Variants in NNT observed in about 807,000 individuals in gnomAD.
NNT encodes nicotinamide nucleotide transhydrogenase.
NNT carries 50 observed loss-of-function variants against 104.8 expected under a neutral mutation model. The ratio of observed to expected loss-of-function variants is 0.48; its 90% CI spans 0.38 to 0.60. The LOEUF (loss-of-function observed/expected upper bound fraction) is 0.60. NNT is among the 20% of genes least tolerant of loss of function. The pLI is 0.00. For missense variants in NNT, 1,131 were observed against 1,330.7 expected (o/e 0.85, Z 2.33); for synonymous variants, 461 against 490.4 (o/e 0.94, Z 0.79).
intron 14 of NNT, among the ~76,000 whole-genome samples, chr5:43,654,262 G>A (rs148141565): frequency 6.6e-6 from 1 of 152,232 alleles, no homozygotes; most frequent in East Asian, 1.9e-4. Flanking sequence ...ATTGCAGTGT[G>A]GAAATAAGCA....
At chr5:43,640,087 T>C (rs1751144992) in intron 7 of NNT, among the ~76,000 whole-genome samples, 1 of 152,150 alleles carries the variant, frequency 6.6e-6, no homozygotes, top group Non-Finnish European at 1.5e-5. Context: ...TTTGCAATTA[T>C]GTCTAAAAAT....
intron 10 of NNT, among the ~76,000 whole-genome samples, chr5:43,646,763 T>C (rs1739470306): frequency 6.6e-6 from 1 of 152,184 alleles, no homozygotes; most frequent in Admixed American, 6.5e-5. Flanking sequence ...TACTACAATA[T>C]AGGCTATAGC....
intron 5 of NNT, among the ~76,000 whole-genome samples, chr5:43,621,971 C>A (rs1305569695): frequency 6.6e-6 from 1 of 152,136 alleles, no homozygotes; most frequent in Non-Finnish European, 1.5e-5. Flanking sequence ...AAGGTCTAGG[C>A]TGGATCATGT....
intron 19 of NNT, among the ~76,000 whole-genome samples, chr5:43,690,652 C>T (rs1169716924): frequency 6.6e-6 from 1 of 152,194 alleles, no homozygotes; most frequent in Non-Finnish European, 1.5e-5. Context: ...CTTGCTCTTA[C>T]TAGTGGTTAA....
At chr5:43,688,205 G>A (rs1051581079) in intron 19 of NNT, among the ~76,000 whole-genome samples, 2 of 152,076 alleles carry the variant, frequency 1.3e-5, no homozygotes, top group Non-Finnish European at 2.9e-5. Flanking sequence ...GAGATGGGGA[G>A]ATTTTCTTGG....
At chr5:43,620,593 TAAAAC>T (rs1750034965) in intron 5 of NNT, among the ~76,000 whole-genome samples, 1 of 152,072 alleles carries the variant, frequency 6.6e-6, no homozygotes, top group South Asian at 2.1e-4. Context: ...GGAAAAAAAT[TAAAAC>T]AAAAGCAAAT....
rs758743127 is a variant in NNT, at chr5:43,644,766, G to A, written c.1254G>A (p.Thr418=). The A allele has an allele frequency of 8.1e-6, 13 of 1,614,124 alleles. No homozygotes were observed. The highest frequency in any genetic ancestry group is 1.6e-4 in the Middle Eastern group (1 of 6,062). The part of the protein sequence containing the change: ...FDVKDDFDFG[T]MGHVIRGTVV... ...TGAAAGATGACTTTGACTTTGGTAC[G>A]ATGGGTCATGTCATTAGAGGAACTG... The change falls in exon 9 of 22, where the codon ACG becomes ACA. Residue 418 remains threonine, a synonymous_variant. Transcript: ENST00000344920.
chr5:43,701,697 G>A (rs961048156), intron 20 of NNT, among the ~76,000 whole-genome samples: 2 of 152,158 alleles, frequency 1.3e-5, no homozygotes, highest in Non-Finnish European at 2.9e-5. Context: ...TCTACAAACA[G>A]CGTGTAAATG....
chr5:43,609,575 A>C (rs1267344661), intron 2 of NNT, among the ~76,000 whole-genome samples: 1 of 152,238 alleles, frequency 6.6e-6, no homozygotes, highest in East Asian at 1.9e-4. Context: ...CAAACAAACA[A>C]AAAAGATAAA....
In NNT at chr5:43,651,700, A is replaced by T. The variant is rs759285439; in HGVS notation, c.1718-39A>T. ...AAAATCATGTTGCTCAGTGAGCTCA[A>T]AGAGGTACTATGTTTTTTATTTCCT... On this transcript the variant is annotated intron_variant, in intron 12 of 21. Coordinates refer to ENST00000344920, the MANE Select transcript of NNT (RefSeq NM_182977.3). 43 of 1,609,914 alleles carry T rather than the reference A, an allele frequency of 2.7e-5. 1 individual carries two copies. In the South Asian group the frequency reaches 4.7e-4, roughly 18 times the overall value.
Position 43,644,335 on chromosome 5 carries a change from G to A in NNT, c.1098+10G>A. ...ACTCTACATTCATAAGGTATAGCAA[G>A]ATGCGTTTTCTATCTGTGATCACTT... is the stretch of plus-strand genomic sequence containing the variant. On this transcript the variant is annotated intron_variant, in intron 8 of 21. Transcript: ENST00000344920. The A allele has an allele frequency of 6.2e-7, 1 of 1,610,390 alleles. No homozygotes were observed. The highest frequency in any genetic ancestry group is 8.5e-7 in the Non-Finnish European group (1 of 1,179,290).
intron 7 of NNT, among the ~76,000 whole-genome samples, chr5:43,631,083 C>G (rs1346549493): frequency 4.6e-5 from 7 of 152,128 alleles, no homozygotes; most frequent in African/African-American, 1.7e-4. Flanking sequence ...TCTTTCTGTC[C>G]TCTGTTAACC....
At chr5:43,636,688 A>G (rs112433618) in intron 7 of NNT, among the ~76,000 whole-genome samples, 126 of 152,312 alleles carry the variant, frequency 8.3e-4, no homozygotes, top group African/African-American at 2.8e-3. Flanking sequence ...AAAGAATGCT[A>G]TAGTTTCTAT....
At chr5:43,639,936 G>A (rs78877484) in intron 7 of NNT, among the ~76,000 whole-genome samples, 11,442 of 151,218 alleles carry the variant, frequency 0.076, 762 homozygotes, top group African/African-American at 0.18. Context: ...TTTTTTAAGC[G>A]GGCTGGTTTA....
intron 21 of NNT, 69 bp from the exon 22 acceptor site, chr5:43,704,186 G>A (rs1384537132): frequency 7.1e-7 from 1 of 1,406,570 alleles, no homozygotes; most frequent in Non-Finnish European, 9.5e-7. Context: ...GAAGAGCAAT[G>A]TTTGTTTGCC....
rs574799224 is a variant in NNT at position 43,648,272 on chromosome 5, A to G, written c.1445-875A>G. ...TAGATATTCCAGTGGTGCCACTTCCAAAGTAATAGTTTACATCAAGGAAAA... is the reference window on the plus strand; with the variant it reads ...TAGATATTCCAGTGGTGCCACTTCCGAAGTAATAGTTTACATCAAGGAAAA... On this transcript the variant is annotated intron_variant, in intron 10 of 21. Coordinates refer to ENST00000344920, the MANE Select transcript of NNT (RefSeq NM_182977.3). The G allele has an allele frequency of 7.9e-5, 80 of 1,018,612 alleles. 1 individual carries two copies. The highest frequency in any genetic ancestry group is 6.9e-4 in the South Asian group (18 of 26,066). 63.1% of individuals were successfully genotyped at this position (1,018,612 alleles called of 1,614,324 possible). A position where few individuals can be genotyped will look rare whatever the true frequency, so the allele number is the denominator to read the frequency against.
In NNT at chr5:43,604,415, C is replaced by T. The variant is rs190389005; in HGVS notation, c.-54+1121C>T. The stretch of plus-strand genomic sequence containing the variant: ...AGGATTGCCTTCTTTCCAGCAGGTG[C>T]GCTTAGGCTGCTTACCTTGGTGATA... On this transcript the variant is annotated intron_variant, in intron 1 of 21. Coordinates refer to ENST00000344920, the MANE Select transcript of NNT (RefSeq NM_182977.3). 3.4e-3 allele frequency among the ~76,000 whole-genome samples: 524 copies of T among 152,264 alleles called. 5 individuals carry two copies. Among genetic ancestry groups the T allele is most frequent in the African/African-American group, 0.012 (491 of 41,550 alleles).
At chr5:43,635,779 C>T (rs973272760) in intron 7 of NNT, among the ~76,000 whole-genome samples, 1 of 152,048 alleles carries the variant, frequency 6.6e-6, no homozygotes, top group African/African-American at 2.4e-5. Context: ...TTAAGGACAC[C>T]AGTCAGATTG....
In NNT at chr5:43,706,295, T is replaced by C. The variant is rs1743091981; in HGVS notation, c.*1891T>C. 6.6e-6 allele frequency: 1 copy of C among 151,764 alleles called. No homozygotes were observed. The allele number at this position is 151,764 out of a possible 1,614,324, so 9.4% of individuals were successfully genotyped here. A position where few individuals can be genotyped will look rare whatever the true frequency, so the allele number is the denominator to read the frequency against. ...TAGATTATAAATTATGGCAAAAATC[T>C]AAAAACAACAAAAATGATTTTTATA... On this transcript the variant is annotated 3_prime_UTR_variant, in exon 22 of 22. Transcript: ENST00000344920.
Sources: gnomAD v4.1 joint callset for allele counts (sites outside exome capture counted in the v4.1 genomes callset) on GRCh38, gnomAD v4.1.1 for gene constraint, MANE v1.5 for transcripts, NCBI Gene and HGNC (gene_info 2026-07-23, HGNC 2026-07-21) for gene names.